The following CTNNA1 variants were observed in gnomAD, a reference collection of about 807,000 sequenced individuals.
CTNNA1 encodes the protein catenin alpha 1.
Under a neutral mutation model 98.4 loss-of-function variants are expected in CTNNA1, and 37 were observed. The ratio of observed to expected loss-of-function variants is 0.38; its 90% confidence interval spans 0.29 to 0.49. CTNNA1 has a LOEUF of 0.49. Ranked by LOEUF, CTNNA1 falls within the 20% of genes least tolerant of loss-of-function variation. The pLI is 0.95. For synonymous variants in CTNNA1, 404 were observed against 413.2 expected, an observed-to-expected ratio of 0.98 and a Z score of 0.27; for missense variants, 761 against 1,147.2, an observed-to-expected ratio of 0.66 and a Z score of 4.86.
rs957612096 is a variant in CTNNA1, at chr5:138,934,410, C to T, written c.*321C>T. 1.5e-5 allele frequency: 4 copies of T among 273,188 alleles called. No individual in the cohort carries two copies. The highest frequency in any genetic ancestry group is 1.0e-4 in the South Asian group (2 of 19,462). The allele number at this position is 273,188 out of a possible 1,614,324, so 16.9% of individuals were successfully genotyped here. A position where few individuals can be genotyped will look rare whatever the true frequency, so the allele number is the denominator to read the frequency against. ...ATGCCCATTCTCTTAGTGATGGCGG[C>T]GTTAGGGTTTGAGAGAAGGGAATTT... On this transcript the variant is annotated 3_prime_UTR_variant, in exon 18 of 18. Transcript: ENST00000302763.
intron 7 of CTNNA1, chr5:138,827,952 A>G (rs1760884402): frequency 1.9e-6 from 1 of 520,524 alleles, no homozygotes; most frequent in Non-Finnish European, 3.5e-6. Context: ...TACCTAGGAA[A>G]TTTATCTGTA....
Position 138,904,815 on chromosome 5 carries a change from C to T in CTNNA1, c.1389+374C>T, listed in dbSNP as rs146612371. On this transcript the variant is annotated intron_variant, in intron 10 of 17. Coordinates refer to ENST00000302763, the MANE Select transcript of CTNNA1 (RefSeq NM_001903.5). ...CTTAAAAAAAAAATACATATTTTGG[C>T]CGGGCACAGTGGCTCACGTCTGTAA... 6.8e-5 allele frequency: 11 copies of T among 160,876 alleles called. No homozygotes were observed. The East Asian group carries it at 1.9e-3, about 28-fold the overall frequency. The allele number at this position is 160,876 out of a possible 1,614,324, so 10.0% of individuals were successfully genotyped here. A position where few individuals can be genotyped will look rare whatever the true frequency, so the allele number is the denominator to read the frequency against.
At chr5:138,872,035 T>A (rs1750701330) in intron 7 of CTNNA1, 1 of 118,658 alleles carries the variant, frequency 8.4e-6, no homozygotes, top group Non-Finnish European at 1.7e-5. Flanking sequence ...AGAGTGTGTG[T>A]GTGTGTGTGT....
At chr5:138,901,124 C>G (rs1757934534) in intron 9 of CTNNA1, among the ~76,000 whole-genome samples, 1 of 152,126 alleles carries the variant, frequency 6.6e-6, no homozygotes, top group South Asian at 2.1e-4. Context: ...TTTCTTTTCT[C>G]TTCTCTTCTC....
chr5:138,794,363 C>A (rs1017431306), intron 3 of CTNNA1, among the ~76,000 whole-genome samples: 4 of 150,884 alleles, frequency 2.7e-5, no homozygotes, highest in South Asian at 2.2e-4. Flanking sequence ...AAAAAAAAAA[C>A]AAAAAAACAA....
intron 1 of CTNNA1, among the ~76,000 whole-genome samples, chr5:138,759,596 C>G (rs1752088179): frequency 1.3e-5 from 2 of 152,282 alleles, no homozygotes; most frequent in African/African-American, 4.8e-5. Flanking sequence ...GGCTATCCTT[C>G]TCAGTGTCTG....
chr5:138,922,898 G>T (rs1763206340), intron 11 of CTNNA1, among the ~76,000 whole-genome samples: 1 of 151,674 alleles, frequency 6.6e-6, no homozygotes, highest in Non-Finnish European at 1.5e-5. Flanking sequence ...CTAGAAGGCG[G>T]CCAGGATGAA....
intron 3 of CTNNA1, among the ~76,000 whole-genome samples, chr5:138,791,591 T>C (rs947594457): frequency 3.6e-5 from 4 of 112,224 alleles, no homozygotes; most frequent in Non-Finnish European, 6.5e-5. Context: ...TGCTCCAGTC[T>C]GGAGACAGAG....
intron 10 of CTNNA1, 23 bp from the exon 11 acceptor site, chr5:138,917,717 CAG>C: frequency 6.2e-7 from 1 of 1,610,368 alleles, no homozygotes. Context: ...AAAGAGTAAA[CAG>C]TGAAGTTTAA....
At chr5:138,887,748 TACA>T (rs1333793824) in intron 9 of CTNNA1, 106 bp downstream of exon 9, 18 of 885,516 alleles carry the variant, frequency 2.0e-5, no homozygotes, top group Non-Finnish European at 3.0e-5. Flanking sequence ...TCGCTTAACA[TACA>T]ACATGTCTGA....
intron 1 of CTNNA1, among the ~76,000 whole-genome samples, chr5:138,770,513 TC>T (rs1231534871): frequency 1.3e-5 from 2 of 152,230 alleles, no homozygotes; most frequent in African/African-American, 2.4e-5. Context: ...CTTGCCCTGT[TC>T]CAGCTACACT....
chr5:138,919,737 G>A lies in CTNNA1; in HGVS notation c.1546+1839G>A, dbSNP rs1250837045. 2.6e-5 allele frequency among the ~76,000 whole-genome samples: 4 copies of A among 152,274 alleles called. No homozygotes were observed. In the East Asian group the frequency reaches 7.7e-4, roughly 29 times the overall value. On this transcript the variant is annotated intron_variant, in intron 11 of 17. Transcript: ENST00000302763. Reference sequence around the variant, plus strand: ...GTGTTTTCAGAGCATCTGAATTTTAGAAGTCTACCTGGTGTGTTTTTCTGA... The same window carrying A: ...GTGTTTTCAGAGCATCTGAATTTTAAAAGTCTACCTGGTGTGTTTTTCTGA...
At chr5:138,782,357 T>C (rs1377358494) in intron 2 of CTNNA1, 2 of 472,902 alleles carry the variant, frequency 4.2e-6, no homozygotes, top group East Asian at 1.2e-4. Context: ...TGTTAAGGTC[T>C]CTCACTCTGC....
intron 14 of CTNNA1, 30 bp from the exon 15 acceptor site, chr5:138,930,442 AT>A (rs1475622806): frequency 6.5e-7 from 1 of 1,549,264 alleles, no homozygotes; most frequent in Admixed American, 1.9e-5. Context: ...TATTCTTTTT[AT>A]GTAAGAGCTC....
chr5:138,910,554 ACCTT>A (rs1760389931), intron 10 of CTNNA1, among the ~76,000 whole-genome samples: 2 of 151,842 alleles, frequency 1.3e-5, no homozygotes, highest in African/African-American at 4.8e-5. Flanking sequence ...TTGCCTTGAG[ACCTT>A]CCTTCCTCCT....
chr5:138,888,445 A>G (rs564687325), intron 9 of CTNNA1, among the ~76,000 whole-genome samples: 56 of 152,348 alleles, frequency 3.7e-4, no homozygotes, highest in African/African-American at 1.3e-3. Flanking sequence ...CATATACCAT[A>G]TGGTAAGCTG....
intron 1 of CTNNA1, among the ~76,000 whole-genome samples, chr5:138,781,534 G>A (rs1439501297): frequency 1.4e-5 from 2 of 144,212 alleles, no homozygotes; most frequent in South Asian, 2.2e-4. Flanking sequence ...CAGCCTGGGC[G>A]AAAGAGCAAG....
intron 1 of CTNNA1, among the ~76,000 whole-genome samples, chr5:138,770,055 C>T (rs1438473376): frequency 6.6e-6 from 1 of 151,486 alleles, no homozygotes; most frequent in African/African-American, 2.4e-5. Context: ...AGGCTAGTCA[C>T]GAACTCTGAT....
intron 9 of CTNNA1, among the ~76,000 whole-genome samples, chr5:138,900,086 T>C (rs968939307): frequency 4.6e-5 from 7 of 152,254 alleles, no homozygotes; most frequent in African/African-American, 7.2e-5. Flanking sequence ...TAAAAACTTA[T>C]TGAGTGCCTC....
Sources: gnomAD v4.1 joint callset for allele counts (sites outside exome capture counted in the v4.1 genomes callset) on GRCh38, gnomAD v4.1.1 for gene constraint, MANE v1.5 for transcripts, NCBI Gene and HGNC (gene_info 2026-07-23, HGNC 2026-07-21) for gene names.